Variants in PTPRD observed in about 807,000 individuals in gnomAD.
PTPRD encodes the protein receptor-type tyrosine-protein phosphatase delta.
Under a neutral mutation model 214.5 loss-of-function variants are expected in PTPRD, and 34 were observed. The observed-to-expected ratio is 0.16, with a 90% CI of 0.12 to 0.21. The LOEUF is 0.21. Among genes scored for constraint, PTPRD ranks in the 10% least tolerant of loss-of-function variants. The pLI is 1.00. For missense variants in PTPRD, 2,545 were observed against 2,398.7 expected (o/e 1.06, Z -1.27); for synonymous variants, 1,128 against 845.7 (o/e 1.33, Z -5.79).
At chr9:10,044,355 C>T (rs1017103318) in intron 3 of PTPRD, among the ~76,000 whole-genome samples, 3 of 151,618 alleles carry the variant, frequency 2.0e-5, no homozygotes, top group African/African-American at 4.8e-5. Flanking sequence ...AATTGTTCAG[C>T]GATGAAGCCT....
intron 44 of PTPRD, among the ~76,000 whole-genome samples, chr9:8,331,205 AG>A (rs1840432909): frequency 1.3e-5 from 2 of 148,930 alleles, no homozygotes; most frequent in African/African-American, 5.2e-5. Flanking sequence ...GCTATTCATG[AG>A]GTTTTCACAA....
chr9:9,998,173 G>A (rs1305088723), intron 4 of PTPRD, among the ~76,000 whole-genome samples: 3 of 140,598 alleles, frequency 2.1e-5, no homozygotes, highest in African/African-American at 8.5e-5. Context: ...GAATGCCCAG[G>A]CAGCAAGATG....
intron 8 of PTPRD, among the ~76,000 whole-genome samples, chr9:9,459,052 C>G (rs547797029): frequency 6.6e-6 from 1 of 151,952 alleles, no homozygotes; most frequent in African/African-American, 2.4e-5. Flanking sequence ...AGAGAGCCCA[C>G]GTGAAGAAGC....
chr9:9,918,472 C>A (rs188130869), intron 5 of PTPRD, among the ~76,000 whole-genome samples: 20 of 151,254 alleles, frequency 1.3e-4, no homozygotes, highest in Admixed American at 1.1e-3. Flanking sequence ...GTTAGAATCA[C>A]AAAACTATCC....
At chr9:9,774,162 C>T (rs566725291) in intron 5 of PTPRD, among the ~76,000 whole-genome samples, 3 of 152,206 alleles carry the variant, frequency 2.0e-5, no homozygotes, top group South Asian at 2.1e-4. Context: ...CAGTGTGCCC[C>T]GCAGCTAGAA....
intron 10 of PTPRD, among the ~76,000 whole-genome samples, chr9:9,129,793 C>G (rs1569549478): frequency 6.6e-6 from 1 of 152,010 alleles, no homozygotes; most frequent in African/African-American, 2.4e-5. Context: ...GTTATTTGTC[C>G]AACCAGAAAA....
chr9:8,873,452 T>C (rs1566761321), intron 11 of PTPRD, among the ~76,000 whole-genome samples: 1 of 152,214 alleles, frequency 6.6e-6, no homozygotes, highest in Non-Finnish European at 1.5e-5. Flanking sequence ...ATTTCCCGTA[T>C]ACCCCTAGTT....
chr9:8,431,287 G>GA (rs1454424880), intron 35 of PTPRD, among the ~76,000 whole-genome samples: 1 of 152,004 alleles, frequency 6.6e-6, no homozygotes, highest in African/African-American at 2.4e-5. Flanking sequence ...GCGTGGGTGA[G>GA]AAAAAAAGAA....
chr9:9,537,535 T>A (rs1175875633), intron 8 of PTPRD, among the ~76,000 whole-genome samples: 1 of 151,968 alleles, frequency 6.6e-6, no homozygotes, highest in South Asian at 2.1e-4. Flanking sequence ...CAAAACAAAT[T>A]TCAAATACAA....
intron 4 of PTPRD, among the ~76,000 whole-genome samples, chr9:9,947,292 T>TTA: frequency 9.4e-6 from 1 of 105,826 alleles, no homozygotes; most frequent in Non-Finnish European, 1.8e-5. Flanking sequence ...GCTCTGGAGA[T>TTA]TATATATATA....
At chr9:10,277,474 G>C (rs760304375) in intron 3 of PTPRD, among the ~76,000 whole-genome samples, 1 of 152,246 alleles carries the variant, frequency 6.6e-6, no homozygotes, top group East Asian at 1.9e-4. Context: ...GCTTCTCTAT[G>C]TACAAGTTTC....
At chr9:8,423,721 A>G (rs759550920) in intron 35 of PTPRD, among the ~76,000 whole-genome samples, 5 of 152,164 alleles carry the variant, frequency 3.3e-5, no homozygotes, top group Non-Finnish European at 5.9e-5. Context: ...ACTCTGGTCT[A>G]TAACTGACAA....
At chr9:9,047,334 C>T (rs1404788733) in intron 10 of PTPRD, among the ~76,000 whole-genome samples, 4 of 152,066 alleles carry the variant, frequency 2.6e-5, no homozygotes, top group Non-Finnish European at 5.9e-5. Context: ...CTACCCAAAG[C>T]AATCTATAGA....
intron 7 of PTPRD, among the ~76,000 whole-genome samples, chr9:9,684,373 A>G (rs931398769): frequency 6.6e-6 from 1 of 151,570 alleles, no homozygotes; most frequent in Non-Finnish European, 1.5e-5. Context: ...TTTCATTAAT[A>G]TTTTACTGAG....
chr9:9,808,413 C>T lies in PTPRD; in HGVS notation c.-367-41562G>A, dbSNP rs73396891. On this transcript the variant is annotated intron_variant, in intron 5 of 45. Coordinates refer to ENST00000381196, the MANE Select transcript of PTPRD (RefSeq NM_002839.4). ...CATAGAAATGAAATTGTCTTAAAAC[C>T]CCCTTTCTAGGAACCTAATCAATTG... Among the ~76,000 whole-genome samples, 205 of 152,124 alleles carry T rather than the reference C, an allele frequency of 1.3e-3. 1 individual carries two copies. The highest frequency in any genetic ancestry group is 4.8e-3 in the African/African-American group (199 of 41,514).
At chr9:9,005,263 C>G (rs1011773211) in intron 11 of PTPRD, among the ~76,000 whole-genome samples, 2 of 152,014 alleles carry the variant, frequency 1.3e-5, no homozygotes, top group Non-Finnish European at 2.9e-5. Flanking sequence ...AAATGCAAAA[C>G]TCCATCTGAG....
intron 2 of PTPRD, among the ~76,000 whole-genome samples, chr9:10,485,423 T>C (rs751047862): frequency 2.0e-5 from 3 of 152,116 alleles, no homozygotes; most frequent in Non-Finnish European, 4.4e-5. Flanking sequence ...TGACAGGAAT[T>C]GCATTGAATC....
intron 10 of PTPRD, among the ~76,000 whole-genome samples, chr9:9,099,262 T>C (rs186549875): frequency 1.0e-3 from 155 of 152,276 alleles, no homozygotes; most frequent in African/African-American, 3.5e-3. Flanking sequence ...AGTTCTTCAG[T>C]TGGGTGCTGG....
chr9:9,127,450 C>T (rs749801611), intron 10 of PTPRD, among the ~76,000 whole-genome samples: 1 of 152,136 alleles, frequency 6.6e-6, no homozygotes, highest in Non-Finnish European at 1.5e-5. Flanking sequence ...TACTGGGAAG[C>T]TATAACTGAC....
Sources: allele counts gnomAD v4.1 joint callset (sites outside exome capture counted in the v4.1 genomes callset), GRCh38; gene constraint gnomAD v4.1.1; transcripts MANE v1.5; gene names NCBI Gene and HGNC (gene_info 2026-07-23, HGNC 2026-07-21).